Variants in MAK observed in about 807,000 individuals in gnomAD.
The protein encoded by MAK is male germ cell associated kinase, also known as serine/threonine-protein kinase MAK.
A neutral mutation model predicts 82.6 loss-of-function variants in MAK; 65 were observed. The observed-to-expected ratio is 0.79, with a 90% confidence interval of 0.64 to 0.97. The LOEUF is 0.97. Among genes scored for constraint, MAK ranks in the 50% least tolerant of loss-of-function variants. The probability of loss-of-function intolerance (pLI) is 0.00; values close to 1 mark genes in which losing one functional copy is unlikely to be tolerated. For synonymous variants in MAK, 250 were observed against 274.2 expected (o/e 0.91, Z 0.87); for missense variants, 703 against 780.2 (o/e 0.90, Z 1.18).
rs1775902061 is a variant in MAK, at chr6:10,800,132, G to A, written c.831+1760C>T. Among the ~76,000 whole-genome samples, 1 of 152,002 alleles carries A rather than the reference G, an allele frequency of 6.6e-6. No homozygotes were observed. The highest frequency in any genetic ancestry group is 1.5e-5 in the Non-Finnish European group (1 of 68,018). On this transcript the variant is annotated intron_variant, in intron 8 of 14. Transcript: ENST00000354489. The surrounding 1 kb of genome is among the most constrained non-coding windows in gnomAD (Gnocchi z 4.2). Reference sequence around the variant, plus strand: ...AATACAAAAATAAGCCAAGCGTGGTGGCGGGCACCTGCAATCCCAGCAACT... The same window carrying A: ...AATACAAAAATAAGCCAAGCGTGGTAGCGGGCACCTGCAATCCCAGCAACT...
Position 10,784,435 on chromosome 6 carries a change from CTT to C in MAK, c.1452_1453del (p.Arg485IlefsTer53). ...TTTGCTCTACTTACCTGGAAGATAT[CTT>C]GATTGTTTCAAGTAGTACTGTTTAG... On this transcript the variant is annotated frameshift_variant, in exon 11 of 15. Transcript: ENST00000354489. LOFTEE classifies it high-confidence loss of function. 1.2e-6 allele frequency: 2 copies of C among 1,614,160 alleles called. No homozygotes were observed.
In MAK at chr6:10,776,490, T is replaced by C. The variant is rs1263611634; in HGVS notation, c.1466-1031A>G. On this transcript the variant is annotated intron_variant, in intron 11 of 14. Transcript: ENST00000354489. This position sits in a 1 kb window ranked among gnomAD's most constrained non-coding sequence, Gnocchi z 4.3. ...GAGTGAACTTGAGCAGTCTATGCCT[T>C]TTGGTCATTCACGGAGAGTTTTCTT... is the stretch of plus-strand genomic sequence containing the variant. 6.6e-6 allele frequency among the ~76,000 whole-genome samples: 1 copy of C among 152,140 alleles called. No homozygotes were observed. Among genetic ancestry groups the C allele is most frequent in the Non-Finnish European group, 1.5e-5 (1 of 68,036 alleles).
At chr6:10,802,392 C>T (rs1452159362) in intron 7 of MAK, 2 of 239,722 alleles carry the variant, frequency 8.3e-6, no homozygotes, top group East Asian at 1.2e-4. Flanking sequence ...TACAGCCTCA[C>T]CCTCCCGGGC....
chr6:10,803,831 C>G lies in MAK; in HGVS notation c.552G>C (p.Trp184Cys). The G allele has an allele frequency of 6.2e-7, 1 of 1,613,954 alleles. No individual in the cohort carries two copies. The highest frequency in any genetic ancestry group is 2.2e-5 in the East Asian group (1 of 44,868). Residue 184 changes from tryptophan (W) to cysteine (C), a missense_variant, in exon 7 of 15, where the codon TGG (tryptophan) becomes TGC (cysteine). Trp to Cys is a radical substitution (Grantham distance 215). Transcript: ENST00000354489. ...SSVYSSPIDV[W>C]AVGSIMAELY... ...GTTCAGCCATGATACTTCCAACAGC[C>G]CACACATCAATGGGAGAACTATAAA...
chr6:10,794,067 C>G (rs1381530123), intron 9 of MAK, among the ~76,000 whole-genome samples: 1 of 152,106 alleles, frequency 6.6e-6, no homozygotes, highest in Non-Finnish European at 1.5e-5. Flanking sequence ...GGAGAAGTTT[C>G]TCTAGAGAAA....
At chr6:10,819,448 G>C (rs1007456271) in intron 2 of MAK, among the ~76,000 whole-genome samples, 1 of 151,714 alleles carries the variant, frequency 6.6e-6, no homozygotes, top group South Asian at 2.1e-4. Context: ...TGGCTAACAT[G>C]GTGAAACCCC....
chr6:10,784,649 C>CCCTCTGCACATCTCGCCCAT (rs1159123320), intron 10 of MAK, 77 bp from the exon 11 acceptor site: 7 of 1,336,028 alleles, frequency 5.2e-6, no homozygotes, highest in African/African-American at 1.6e-5. Context: ...ATCTCGCCCA[C>CCCTCTGCACATCTCGCCCAT]CCTCTGCACA....
At chr6:10,771,883 G>T (rs1052735682) in intron 13 of MAK, among the ~76,000 whole-genome samples, 7 of 152,184 alleles carry the variant, frequency 4.6e-5, no homozygotes, top group Admixed American at 4.6e-4. Flanking sequence ...ATTTTCGGAA[G>T]GAAATTCAAA....
intron 8 of MAK, chr6:10,797,710 A>G (rs544113193): frequency 2.7e-6 from 3 of 1,123,572 alleles, no homozygotes; most frequent in African/African-American, 3.3e-5. Flanking sequence ...CAGTCCCCAC[A>G]TAGGTGGGAA....
chr6:10,837,515 G>T (rs1779227756), intron 1 of MAK, among the ~76,000 whole-genome samples: 1 of 152,214 alleles, frequency 6.6e-6, no homozygotes, highest in African/African-American at 2.4e-5. Flanking sequence ...GGGAGGCGGG[G>T]CCCGATCGAA....
intron 5 of MAK, among the ~76,000 whole-genome samples, chr6:10,812,144 G>A (rs979939546): frequency 6.6e-6 from 1 of 152,154 alleles, no homozygotes; most frequent in Non-Finnish European, 1.5e-5. Flanking sequence ...AGGCTGCAGT[G>A]AGCCATGATG....
At chr6:10,783,827 C>T (rs139515845) in intron 11 of MAK, among the ~76,000 whole-genome samples, 2,664 of 152,156 alleles carry the variant, frequency 0.018, 43 homozygotes, top group East Asian at 0.063. Flanking sequence ...GAGACCATCC[C>T]GGCTAACACG....
intron 11 of MAK, 57 bp from the exon 12 acceptor site, chr6:10,775,516 A>C (rs1223733929): frequency 6.3e-7 from 1 of 1,576,550 alleles, no homozygotes; most frequent in Non-Finnish European, 8.7e-7. Flanking sequence ...ACTTAAAGGA[A>C]ACTTATGTAA....
intron 2 of MAK, among the ~76,000 whole-genome samples, chr6:10,819,369 C>T (rs184074553): frequency 1.3e-5 from 2 of 152,312 alleles, no homozygotes; most frequent in East Asian, 3.9e-4. Context: ...CGGTGGCTCA[C>T]GCCTGTAATC....
At chr6:10,807,017 A>T (rs998020547) in intron 6 of MAK, among the ~76,000 whole-genome samples, 25 of 152,070 alleles carry the variant, frequency 1.6e-4, no homozygotes, top group African/African-American at 5.5e-4. Flanking sequence ...AGAATCCCAC[A>T]TTTCTCACTA....
intron 6 of MAK, among the ~76,000 whole-genome samples, chr6:10,805,212 C>T (rs1776332795): frequency 6.6e-6 from 1 of 152,158 alleles, no homozygotes; most frequent in African/African-American, 2.4e-5. Flanking sequence ...TAATTATCTT[C>T]CTTGTTTTTA....
chr6:10,778,165 C>G (rs1404338864), intron 11 of MAK, among the ~76,000 whole-genome samples: 1 of 152,246 alleles, frequency 6.6e-6, no homozygotes, highest in Non-Finnish European at 1.5e-5. Flanking sequence ...TTACTGAGCA[C>G]CTACCAGTGC....
Position 10,784,438 on chromosome 6 carries a change from G to C in MAK, c.1451C>G (p.Ser484Ter), listed in dbSNP as rs1300025062. ...PTSKQYYLKQ[S>*]RYLPGVNPKK... ...GCTCTACTTACCTGGAAGATATCTT[G>C]ATTGTTTCAAGTAGTACTGTTTAGA... Residue 484 changes from serine (S) to a stop codon, truncating the protein, a stop_gained, in exon 11 of 15, where the codon TCA (serine) becomes TGA (stop). Coordinates refer to ENST00000354489, the MANE Select transcript of MAK (RefSeq NM_001242957.3). LOFTEE classifies it high-confidence loss of function. The C allele has an allele frequency of 1.9e-6, 3 of 1,614,146 alleles. No individual in the cohort carries two copies. The highest frequency in any genetic ancestry group is 2.5e-6 in the Non-Finnish European group (3 of 1,180,012).
Position 10,817,955 on chromosome 6 carries a change from TTAAG to T in MAK, c.169_172del (p.Leu57IlefsTer8), listed in dbSNP as rs1274912017. ...TTTCAATTTAATAACATTGGCATGA[TTAAG>T]TTTCTTCAGAGACTGAAAAATAACA... is the stretch of plus-strand genomic sequence containing the variant. On this transcript the variant is annotated frameshift_variant, in exon 4 of 15. Coordinates refer to ENST00000354489, the MANE Select transcript of MAK (RefSeq NM_001242957.3). LOFTEE classifies it high-confidence loss of function. 13 of 1,440,384 alleles carry T rather than the reference TTAAG, an allele frequency of 9.0e-6. No individual in the cohort carries two copies. The highest frequency in any genetic ancestry group is 4.2e-5 in the African/African-American group (3 of 71,036). The allele number at this position is 1,440,384 out of a possible 1,614,324, so 89.2% of individuals were successfully genotyped here.
Sources: gnomAD v4.1 joint callset for allele counts (sites outside exome capture counted in the v4.1 genomes callset) on GRCh38, gnomAD v4.1.1 for gene constraint, Gnocchi (gnomAD v3.1) non-coding constraint, MANE v1.5 for transcripts, NCBI Gene and HGNC (gene_info 2026-07-23, HGNC 2026-07-21) for gene names.